RUNX1: variants seen among roughly 807,000 people sequenced by gnomAD.
RUNX1 encodes the protein runt-related transcription factor 1.
Under a neutral mutation model 42.8 loss-of-function variants are expected in RUNX1, and 19 were observed. That is an observed-to-expected ratio of 0.44 (90% confidence interval 0.31 to 0.65). The LOEUF is 0.65. RUNX1 is among the 30% of genes least tolerant of loss of function. RUNX1 has a pLI of 0.07. For missense variants in RUNX1, 528 were observed against 672.0 expected, an observed-to-expected ratio of 0.79 and a Z score of 2.37; for synonymous variants, 271 against 289.4, an observed-to-expected ratio of 0.94 and a Z score of 0.64.
chr21:35,002,852 T>C lies in RUNX1; in HGVS notation c.58+45990A>G, dbSNP rs190141555. ...TCAGGCACATAGCAGGCATTCAAGA[T>C]AAATATTTATCAAATGCAAGCATGA... On this transcript the variant is annotated intron_variant, in intron 2 of 8. Coordinates refer to ENST00000675419, the MANE Select transcript of RUNX1 (RefSeq NM_001754.5). 1.2e-4 allele frequency among the ~76,000 whole-genome samples: 19 copies of C among 152,330 alleles called. No individual in the cohort carries two copies. The Middle Eastern group carries it at 0.01, about 82-fold the overall frequency.
intron 5 of RUNX1, among the ~76,000 whole-genome samples, chr21:34,870,831 G>A (rs1190805748): frequency 6.6e-6 from 1 of 152,162 alleles, no homozygotes; most frequent in Non-Finnish European, 1.5e-5. Context: ...GGTGGTGCAA[G>A]CCTGTAATCC....
intron 2 of RUNX1, among the ~76,000 whole-genome samples, chr21:34,991,269 C>T (rs2058935768): frequency 1.3e-5 from 2 of 152,122 alleles, no homozygotes; most frequent in Non-Finnish European, 2.9e-5. Context: ...TCCCGAAATT[C>T]CCTCGGTCCT....
At chr21:34,890,196 C>T (rs2058063924) in intron 3 of RUNX1, among the ~76,000 whole-genome samples, 1 of 151,950 alleles carries the variant, frequency 6.6e-6, no homozygotes. Flanking sequence ...GCCGCGGGCT[C>T]TGGCGGACGC....
chr21:34,853,770 C>T (rs1164752072), intron 6 of RUNX1, among the ~76,000 whole-genome samples: 1 of 151,754 alleles, frequency 6.6e-6, no homozygotes, highest in Non-Finnish European at 1.5e-5. Context: ...ATTATCACCA[C>T]CAGTTTACAG....
intron 5 of RUNX1, among the ~76,000 whole-genome samples, chr21:34,875,218 C>T (rs1457779479): frequency 6.6e-6 from 1 of 152,244 alleles, no homozygotes; most frequent in Non-Finnish European, 1.5e-5. Context: ...CCACCCCAGG[C>T]TTTAAGCAGG....
At chr21:35,006,999 C>T (rs1339741240) in intron 2 of RUNX1, among the ~76,000 whole-genome samples, 3 of 152,204 alleles carry the variant, frequency 2.0e-5, no homozygotes, top group Admixed American at 1.3e-4. Flanking sequence ...TACAGCTGCA[C>T]TGCTTGGTAT....
chr21:34,928,417 G>T (rs2058412848), intron 2 of RUNX1, among the ~76,000 whole-genome samples: 1 of 152,148 alleles, frequency 6.6e-6, no homozygotes, highest in Non-Finnish European at 1.5e-5. Context: ...TACGAGGCCA[G>T]GTGCGGTGGC....
At chr21:34,893,369 T>C (rs1048941526) in intron 2 of RUNX1, among the ~76,000 whole-genome samples, 4 of 152,198 alleles carry the variant, frequency 2.6e-5, no homozygotes, top group African/African-American at 7.2e-5. Flanking sequence ...TTACTTCCAA[T>C]GATAGGACAT....
chr21:34,930,270 G>GTGTGTGTGTATATATATATATATA (rs372412304), intron 2 of RUNX1, among the ~76,000 whole-genome samples: 13 of 123,008 alleles, frequency 1.1e-4, no homozygotes, highest in African/African-American at 4.5e-4. Flanking sequence ...GTGTGTGTAT[G>GTGTGTGTGTATATATATATATATA]TATATATATA....
chr21:35,048,706 G>T, intron 2 of RUNX1, 136 bp downstream of exon 2: 1 of 786,804 alleles, frequency 1.3e-6, no homozygotes, highest in Non-Finnish European at 2.3e-6. Context: ...ATATGCCTCA[G>T]TTTGAATTCC....
intron 7 of RUNX1, among the ~76,000 whole-genome samples, chr21:34,828,465 C>T (rs529259685): frequency 3.3e-4 from 51 of 152,250 alleles, no homozygotes; most frequent in Non-Finnish European, 4.6e-4. Context: ...TTTGGACTTT[C>T]GACTTTTGAG....
intron 7 of RUNX1, among the ~76,000 whole-genome samples, chr21:34,827,588 C>G (rs544245316): frequency 2.0e-5 from 3 of 152,308 alleles, no homozygotes; most frequent in East Asian, 1.9e-4. Flanking sequence ...GCCCAGAGCT[C>G]TAGGAGGGTA....
chr21:34,836,420 C>A (rs1307783053), intron 6 of RUNX1, among the ~76,000 whole-genome samples: 2 of 152,196 alleles, frequency 1.3e-5, no homozygotes, highest in Admixed American at 1.3e-4. Context: ...TGACTCAGTG[C>A]CTCTGGATGA....
intron 2 of RUNX1, among the ~76,000 whole-genome samples, chr21:34,970,890 GAAAA>G (rs943954186): frequency 6.7e-6 from 1 of 150,000 alleles, no homozygotes; most frequent in Admixed American, 6.6e-5. Flanking sequence ...AAAATTAAAA[GAAAA>G]AAAAAGGTCT....
At chr21:34,888,617 G>C (rs1007349094) in intron 3 of RUNX1, 136 of 1,056,814 alleles carry the variant, frequency 1.3e-4, no homozygotes, top group Non-Finnish European at 1.5e-4. Flanking sequence ...TGGCGGCGCA[G>C]GGCCGGGCAG....
In RUNX1 at chr21:34,790,717, T is replaced by C. The variant is rs2056423434; in HGVS notation, c.*1418A>G. On this transcript the variant is annotated 3_prime_UTR_variant, in exon 9 of 9. Coordinates refer to ENST00000675419, the MANE Select transcript of RUNX1 (RefSeq NM_001754.5). ...CACAGGACAGGGGGTCTCGCACAGG[T>C]GGGACCATGTTTTCCCACTTGTCTC... 8.6e-6 allele frequency: 2 copies of C among 233,152 alleles called. No individual in the cohort carries two copies. Among genetic ancestry groups the C allele is most frequent in the Admixed American group, 5.6e-5 (1 of 17,782 alleles). 14.4% of individuals were successfully genotyped at this position (233,152 alleles called of 1,614,324 possible).
chr21:34,959,348 C>G (rs1347839040), intron 2 of RUNX1, among the ~76,000 whole-genome samples: 2 of 152,162 alleles, frequency 1.3e-5, no homozygotes, highest in Non-Finnish European at 2.9e-5. Flanking sequence ...GGTACGCAAG[C>G]TCTCTGTCCC....
At chr21:35,047,971 T>TACTCACAC (rs1460344429) in intron 2 of RUNX1, among the ~76,000 whole-genome samples, 4 of 152,084 alleles carry the variant, frequency 2.6e-5, no homozygotes, top group Non-Finnish European at 4.4e-5. Flanking sequence ...TGCACACACA[T>TACTCACAC]ACTCACACAC....
At chr21:35,037,441 T>C (rs372524086) in intron 2 of RUNX1, among the ~76,000 whole-genome samples, 2 of 152,204 alleles carry the variant, frequency 1.3e-5, no homozygotes, top group African/African-American at 4.8e-5. Flanking sequence ...TCCAGGATGG[T>C]GGCCAGTGCC....
Sources: gnomAD v4.1 joint callset for allele counts (sites outside exome capture counted in the v4.1 genomes callset) on GRCh38, gnomAD v4.1.1 for gene constraint, MANE v1.5 for transcripts, NCBI Gene and HGNC (gene_info 2026-07-23, HGNC 2026-07-21) for gene names.